ABLIM1: variants seen among roughly 807,000 people sequenced by gnomAD.
The protein encoded by ABLIM1 is actin-binding LIM protein 1.
ABLIM1 carries 40 observed loss-of-function variants against 107.0 expected under a neutral mutation model. That is an observed-to-expected ratio of 0.37 (90% CI 0.29 to 0.49). The LOEUF is 0.49. Among genes scored for constraint, ABLIM1 ranks in the 20% least tolerant of loss-of-function variants. ABLIM1 has a pLI of 0.97. For synonymous variants in ABLIM1, 357 were observed against 357.3 expected, an observed-to-expected ratio of 1.00 and a Z score of 0.01; for missense variants, 857 against 1,008.5, an observed-to-expected ratio of 0.85 and a Z score of 2.04.
At chr10:114,457,824 C>T (rs1210556899) in intron 12 of ABLIM1, among the ~76,000 whole-genome samples, 3 of 152,170 alleles carry the variant, frequency 2.0e-5, no homozygotes, top group African/African-American at 7.2e-5. Flanking sequence ...GAAATCCCAG[C>T]ACTTTGGGAG....
intron 1 of ABLIM1, among the ~76,000 whole-genome samples, chr10:114,618,239 C>T (rs1041623): frequency 0.75 from 114,352 of 152,124 alleles, 43,206 homozygotes; most frequent in African/African-American, 0.85. Flanking sequence ...TCTGTAGTGC[C>T]TCCTAGGAAT....
intron 2 of ABLIM1, among the ~76,000 whole-genome samples, chr10:114,583,817 G>A (rs1020881429): frequency 2.6e-5 from 4 of 152,010 alleles, no homozygotes; most frequent in African/African-American, 9.7e-5. Flanking sequence ...GTCCTCCGTA[G>A]CAACATGGAT....
intron 2 of ABLIM1, among the ~76,000 whole-genome samples, chr10:114,585,349 C>A (rs183412004): frequency 2.5e-4 from 38 of 152,218 alleles, no homozygotes; most frequent in African/African-American, 8.7e-4. Context: ...AAACTCCAGG[C>A]ACAAGAGACA....
chr10:114,690,847 A>C (rs1471932815), intron 1 of ABLIM1, among the ~76,000 whole-genome samples: 2 of 152,074 alleles, frequency 1.3e-5, no homozygotes, highest in Non-Finnish European at 2.9e-5. Context: ...ACACTCAGCT[A>C]ATTTTTGTAT....
At chr10:114,460,167 G>T (rs2063568372) in intron 12 of ABLIM1, among the ~76,000 whole-genome samples, 1 of 152,132 alleles carries the variant, frequency 6.6e-6, no homozygotes. Context: ...GGGGAGGAGG[G>T]GGCCTGGGTC....
chr10:114,575,726 T>A, intron 2 of ABLIM1, 127 bp from the exon 3 acceptor site: 1 of 953,020 alleles, frequency 1.0e-6, no homozygotes, highest in Non-Finnish European at 1.5e-6. Context: ...AGGGGATGGC[T>A]ACAAAGAGCT....
intron 1 of ABLIM1, among the ~76,000 whole-genome samples, chr10:114,605,794 G>A (rs1002945767): frequency 2.0e-5 from 3 of 152,132 alleles, no homozygotes; most frequent in Non-Finnish European, 4.4e-5. Flanking sequence ...TCACTACTCA[G>A]CTAAAGCAGC....
chr10:114,645,743 T>C (rs2078985473), intron 1 of ABLIM1, among the ~76,000 whole-genome samples: 1 of 152,198 alleles, frequency 6.6e-6, no homozygotes, highest in Non-Finnish European at 1.5e-5. Context: ...CTTTAAAATA[T>C]GTAAAGGAGA....
chr10:114,589,199 CTGTGTG>C (rs1209195482), intron 2 of ABLIM1, among the ~76,000 whole-genome samples: 1 of 145,896 alleles, frequency 6.9e-6, no homozygotes, highest in Admixed American at 6.8e-5. Flanking sequence ...GTGTGTGTGT[CTGTGTG>C]TGTGTGTGTG....
intron 1 of ABLIM1, among the ~76,000 whole-genome samples, chr10:114,747,976 G>T (rs567855670): frequency 1.3e-5 from 2 of 152,290 alleles, no homozygotes; most frequent in East Asian, 3.9e-4. Context: ...GGAGGCAGAG[G>T]TTGCAATGAG....
At position 114,530,814 on chromosome 10, in the gene ABLIM1, G is replaced by A. The variant is rs1049194414; in HGVS notation, c.894+14191C>T. Among the ~76,000 whole-genome samples, 38 of 152,200 alleles carry A rather than the reference G, an allele frequency of 2.5e-4. 1 individual carries two copies. Among genetic ancestry groups the A allele is most frequent in the Admixed American group, 4.6e-4 (7 of 15,284 alleles). ...CTCCCAAAGTGCTGGGATTATAGGC[G>A]TGAGCCACCACACCCAGCCAGAAAT... On this transcript the variant is annotated intron_variant, in intron 6 of 22. Coordinates refer to ENST00000533213, the MANE Select transcript of ABLIM1 (RefSeq NM_002313.7).
At chr10:114,514,728 T>C (rs2062534853) in intron 6 of ABLIM1, among the ~76,000 whole-genome samples, 2 of 152,180 alleles carry the variant, frequency 1.3e-5, no homozygotes, top group Non-Finnish European at 2.9e-5. Flanking sequence ...GCAGACTGCA[T>C]GAAAACCTAT....
intron 6 of ABLIM1, among the ~76,000 whole-genome samples, chr10:114,497,613 C>T (rs1040517129): frequency 1.5e-5 from 2 of 131,112 alleles, no homozygotes; most frequent in Non-Finnish European, 1.5e-5. Flanking sequence ...ACCCGGGAGG[C>T]GGAGCTTGCA....
Position 114,574,466 on chromosome 10 carries a change from G to A in ABLIM1, c.563+950C>T, listed in dbSNP as rs2072186738. 2.6e-5 allele frequency among the ~76,000 whole-genome samples: 4 copies of A among 151,648 alleles called. No individual in the cohort carries two copies. In the South Asian group the frequency reaches 6.2e-4, roughly 24 times the overall value. On this transcript the variant is annotated intron_variant, in intron 3 of 22. Transcript: ENST00000533213. ...TTTATTTTATTTTTTTTGAGATGGA[G>A]TCTTGCTGTGTCACCCAGATTGGAG...
chr10:114,788,486 T>C, the ABLIM1 span, among the ~76,000 whole-genome samples: 2 of 149,828 alleles, frequency 1.3e-5, no homozygotes, highest in Non-Finnish European at 3.0e-5. Flanking sequence ...CCAGCACTTT[T>C]GGAAGCTGAG....
intron 5 of ABLIM1, among the ~76,000 whole-genome samples, chr10:114,546,023 G>C (rs2137566758): frequency 6.6e-6 from 1 of 151,342 alleles, no homozygotes. Flanking sequence ...ACATGCCAGA[G>C]TACAGCCTCT....
chr10:114,468,420 GCC>G (rs1491549740), intron 10 of ABLIM1, among the ~76,000 whole-genome samples: 142,028 of 151,968 alleles, frequency 0.93, 66,403 homozygotes, highest in East Asian at 1. Context: ...GACTACAGGC[GCC>G]GCCACCACCC....
At chr10:114,679,554 G>A (rs2080647146) in intron 1 of ABLIM1, among the ~76,000 whole-genome samples, 1 of 148,596 alleles carries the variant, frequency 6.7e-6, no homozygotes, top group Admixed American at 6.9e-5. Flanking sequence ...AGAATTGCTG[G>A]AACCCTGGAG....
intron 7 of ABLIM1, among the ~76,000 whole-genome samples, chr10:114,488,807 G>A (rs1462161202): frequency 1.3e-5 from 2 of 152,196 alleles, no homozygotes; most frequent in African/African-American, 4.8e-5. Flanking sequence ...TGTATGACTA[G>A]ATACATATCA....
Sources: allele counts gnomAD v4.1 joint callset (sites outside exome capture counted in the v4.1 genomes callset), GRCh38; gene constraint gnomAD v4.1.1; transcripts MANE v1.5; gene names NCBI Gene and HGNC (gene_info 2026-07-23, HGNC 2026-07-21).